IMPG1: variants seen among roughly 807,000 people sequenced by gnomAD.
The protein encoded by IMPG1 is interphotoreceptor matrix proteoglycan 1.
Under a neutral mutation model 92.0 loss-of-function variants are expected in IMPG1, and 85 were observed. The observed-to-expected ratio is 0.92, with a 90% confidence interval of 0.78 to 1.11. The LOEUF (loss-of-function observed/expected upper bound fraction) is 1.11. IMPG1 is among the 50% of genes least tolerant of loss of function. The pLI, the probability that IMPG1 is intolerant of heterozygous loss-of-function variation, is 0.00. For missense variants in IMPG1, 1,022 were observed against 956.0 expected (o/e 1.07, Z -0.91); for synonymous variants, 367 against 334.1 (o/e 1.10, Z -1.08).
At chr6:76,044,478 G>A (rs1302863127) in intron 1 of IMPG1, among the ~76,000 whole-genome samples, 2 of 151,996 alleles carry the variant, frequency 1.3e-5, no homozygotes, top group Non-Finnish European at 2.9e-5. Context: ...TATCGGCCTG[G>A]TCCTGTTCCG....
At chr6:76,013,547 C>T (rs1384552411) in intron 7 of IMPG1, among the ~76,000 whole-genome samples, 1 of 152,102 alleles carries the variant, frequency 6.6e-6, no homozygotes, top group East Asian at 1.9e-4. Flanking sequence ...TATTTCTTCT[C>T]TCTACTACTC....
chr6:76,018,616 C>A, intron 7 of IMPG1, 102 bp downstream of exon 7: 1 of 1,041,908 alleles, frequency 9.6e-7, no homozygotes, highest in Non-Finnish European at 1.4e-6. Context: ...AACATGAATG[C>A]CAGGAGAAGC....
chr6:76,043,694 C>T (rs1474431564), intron 1 of IMPG1, among the ~76,000 whole-genome samples: 1 of 152,148 alleles, frequency 6.6e-6, no homozygotes, highest in African/African-American at 2.4e-5. Context: ...TAACATGCTT[C>T]CAGATAAAGA....
At chr6:76,005,819 GT>G (rs890614721) in intron 9 of IMPG1, among the ~76,000 whole-genome samples, 55 of 145,652 alleles carry the variant, frequency 3.8e-4, no homozygotes, top group East Asian at 8.0e-4. Flanking sequence ...TTTACTTTAG[GT>G]TTTTTTTTTT....
chr6:75,953,477 A>G (rs766681090), intron 12 of IMPG1, among the ~76,000 whole-genome samples: 15 of 150,624 alleles, frequency 1.0e-4, no homozygotes, highest in Non-Finnish European at 1.9e-4. Flanking sequence ...TCATTGTTCA[A>G]CTCCCACTTA....
intron 15 of IMPG1, among the ~76,000 whole-genome samples, chr6:75,925,801 G>C (rs1781539718): frequency 6.6e-6 from 1 of 152,132 alleles, no homozygotes; most frequent in South Asian, 2.1e-4. Flanking sequence ...GAGTAGCTGA[G>C]ATTACAGGCA....
intron 12 of IMPG1, among the ~76,000 whole-genome samples, chr6:75,990,312 G>A (rs1022075291): frequency 1.1e-4 from 17 of 152,174 alleles, no homozygotes; most frequent in Admixed American, 6.5e-5. Flanking sequence ...GGGCCAACTA[G>A]CAATGAAGAG....
In IMPG1 at chr6:75,924,657, A is replaced by AAT. The variant is rs1781506462; in HGVS notation, c.2244-953_2244-952dup. ...ATATTATATATAATTAATTATATAT[A>AAT]ATATATAATAAATTATATATTATAT... On this transcript the variant is annotated intron_variant, in intron 15 of 16. Coordinates refer to ENST00000369950, the MANE Select transcript of IMPG1 (RefSeq NM_001563.4). 1.2e-3 allele frequency among the ~76,000 whole-genome samples: 8 copies of AAT among 6,684 alleles called. 1 individual carries two copies. Among genetic ancestry groups the AAT allele is most frequent in the African/African-American group, 2.4e-3 (8 of 3,368 alleles). The allele number at this position is 6,684 out of a possible 152,430, so 4.4% of individuals were successfully genotyped here.
chr6:75,998,752 A>T (rs1782939379), intron 12 of IMPG1, among the ~76,000 whole-genome samples: 2 of 152,194 alleles, frequency 1.3e-5, no homozygotes, highest in Admixed American at 6.5e-5. Context: ...ACCACAAAAA[A>T]TTTTTACCCT....
chr6:75,947,878 A>G (rs1042440238), intron 13 of IMPG1, among the ~76,000 whole-genome samples: 2 of 152,138 alleles, frequency 1.3e-5, no homozygotes, highest in Admixed American at 6.5e-5. Flanking sequence ...AAACCCAAGT[A>G]AATAAAAATA....
At chr6:76,021,609 C>T (rs917253840) in intron 6 of IMPG1, among the ~76,000 whole-genome samples, 6 of 151,738 alleles carry the variant, frequency 4.0e-5, no homozygotes, top group Admixed American at 6.6e-5. Flanking sequence ...TTATTTTTCC[C>T]TAGTTTTACA....
chr6:75,983,528 G>A (rs1782663275), intron 12 of IMPG1, among the ~76,000 whole-genome samples: 1 of 152,150 alleles, frequency 6.6e-6, no homozygotes, highest in Admixed American at 6.5e-5. Context: ...TCCATCTGCA[G>A]AAGAATGAAA....
chr6:76,017,216 A>G (rs1783306144), intron 7 of IMPG1, among the ~76,000 whole-genome samples: 1 of 151,172 alleles, frequency 6.6e-6, no homozygotes, highest in East Asian at 1.9e-4. Context: ...AAAAAGGCAG[A>G]GATCTTATTA....
At chr6:75,968,826 C>G (rs979368870) in intron 12 of IMPG1, among the ~76,000 whole-genome samples, 4 of 152,142 alleles carry the variant, frequency 2.6e-5, no homozygotes, top group African/African-American at 9.7e-5. Context: ...AGGCCCTCAA[C>G]CAGATGCAGG....
At chr6:76,070,630 G>C (rs1784390120) in intron 1 of IMPG1, among the ~76,000 whole-genome samples, 1 of 152,110 alleles carries the variant, frequency 6.6e-6, no homozygotes, top group Admixed American at 6.6e-5. Context: ...ATGCTACTCA[G>C]CCAAAAAAAT....
chr6:75,950,742 C>T lies in IMPG1; in HGVS notation c.1644G>A (p.Glu548=). 1 of 1,613,964 alleles carries T rather than the reference C, an allele frequency of 6.2e-7. No individual in the cohort carries two copies. Among genetic ancestry groups the T allele is most frequent in the Non-Finnish European group, 8.5e-7 (1 of 1,179,900 alleles). ...EYVSVPDHFL[E]DTTPVSALQY... is the part of the protein sequence containing the mutation. ...GTAAAGCTGAGACAGGAGTGGTATC[C>T]TCCAAGAAATGATCTGGGACAGAAA... The change falls in exon 13 of 17, where the codon GAG becomes GAA. Residue 548 remains glutamate, a synonymous_variant. Coordinates refer to ENST00000369950, the MANE Select transcript of IMPG1 (RefSeq NM_001563.4).
chr6:76,007,181 ATG>A (rs1169579211), intron 9 of IMPG1, among the ~76,000 whole-genome samples: 2 of 152,222 alleles, frequency 1.3e-5, no homozygotes, highest in African/African-American at 4.8e-5. Context: ...GAAATAAATT[ATG>A]CTTGCAGCAC....
chr6:75,924,657 A>AATTATATT (rs1781506374), intron 15 of IMPG1, among the ~76,000 whole-genome samples: 3 of 6,680 alleles, frequency 4.5e-4, no homozygotes, highest in Admixed American at 5.7e-3. Flanking sequence ...AATTATATAT[A>AATTATATT]ATATATAATA....
chr6:75,977,588 A>AAG (rs1491510848), intron 12 of IMPG1, among the ~76,000 whole-genome samples: 1 of 42,802 alleles, frequency 2.3e-5, no homozygotes, highest in African/African-American at 9.4e-5. Context: ...ACTCTGCCTC[A>AAG]AAAAAAAAAA....
Sources: gnomAD v4.1 joint callset for allele counts (sites outside exome capture counted in the v4.1 genomes callset) on GRCh38, gnomAD v4.1.1 for gene constraint, MANE v1.5 for transcripts, NCBI Gene and HGNC (gene_info 2026-07-23, HGNC 2026-07-21) for gene names.